GALNT13: variants seen among roughly 807,000 people sequenced by gnomAD.
GALNT13 encodes the protein UDP-GalNAc:polypeptide N-acetylgalactosaminyltransferase 13.
Under a neutral mutation model 64.2 loss-of-function variants are expected in GALNT13, and 28 were observed. The ratio of observed to expected loss-of-function variants is 0.44; its 90% confidence interval spans 0.32 to 0.60. The LOEUF (loss-of-function observed/expected upper bound fraction) is 0.60. Among genes scored for constraint, GALNT13 ranks in the 20% least tolerant of loss-of-function variants. GALNT13 has a pLI of 0.05. For synonymous variants in GALNT13, 214 were observed against 224.6 expected, an observed-to-expected ratio of 0.95 and a Z score of 0.42; for missense variants, 577 against 669.8, an observed-to-expected ratio of 0.86 and a Z score of 1.53.
At chr2:153,084,092 CT>C in the GALNT13 span, among the ~76,000 whole-genome samples, 1 of 152,178 alleles carries the variant, frequency 6.6e-6, no homozygotes, top group African/African-American at 2.4e-5. Context: ...TTCCATTGGT[CT>C]ACAAGCCTGT....
At chr2:153,341,575 G>A in the GALNT13 span, among the ~76,000 whole-genome samples, 14 of 152,292 alleles carry the variant, frequency 9.2e-5, no homozygotes, top group East Asian at 9.7e-4. Context: ...TGCATAAGCC[G>A]TTCTCAGGGA....
chr2:153,859,729 T>A, the GALNT13 span, among the ~76,000 whole-genome samples: 1 of 152,186 alleles, frequency 6.6e-6, no homozygotes, highest in African/African-American at 2.4e-5. Flanking sequence ...TTTCTAGATG[T>A]AACTGGAATA....
intron 2 of GALNT13, among the ~76,000 whole-genome samples, chr2:153,942,690 A>ATT (rs942915924): frequency 1.0e-4 from 14 of 135,608 alleles, no homozygotes; most frequent in South Asian, 2.6e-4. Context: ...ATATCTCTCC[A>ATT]TTATATATAT....
At chr2:153,174,985 A>G in the GALNT13 span, among the ~76,000 whole-genome samples, 2 of 152,130 alleles carry the variant, frequency 1.3e-5, no homozygotes, top group African/African-American at 4.8e-5. Flanking sequence ...AGATTACCAA[A>G]TCTAGGATTA....
chr2:153,798,728 T>A, the GALNT13 span, among the ~76,000 whole-genome samples: 1 of 152,184 alleles, frequency 6.6e-6, no homozygotes, highest in Non-Finnish European at 1.5e-5. Flanking sequence ...AGTTGTTATA[T>A]AACAGATGCA....
chr2:153,791,899 C>G, the GALNT13 span, among the ~76,000 whole-genome samples: 1 of 151,876 alleles, frequency 6.6e-6, no homozygotes, highest in African/African-American at 2.4e-5. Context: ...TAAAGTGATA[C>G]TGGAGCATAC....
rs779124626 is a variant in GALNT13 at position 154,245,971 on chromosome 2, A to G, written c.846A>G (p.Thr282=). 3.7e-5 allele frequency: 60 copies of G among 1,611,918 alleles called. No homozygotes were observed. The Middle Eastern group carries it at 1.3e-3, about 36-fold the overall frequency. Residue 282 remains threonine (T), a synonymous_variant, in exon 7 of 13, where the codon ACA becomes ACG. Transcript: ENST00000392825. ...TGGACAGGAGGAAAGGAGACAGAAC[A>G]TTACCTGTCAGGTATGTAGATCATA... ...REMDRRKGDR[T]LPVRTPTMAG... is the part of the protein sequence containing the mutation.
At chr2:153,663,071 G>A in the GALNT13 span, among the ~76,000 whole-genome samples, 1 of 152,152 alleles carries the variant, frequency 6.6e-6, no homozygotes, top group African/African-American at 2.4e-5. Context: ...TAACAAGGAT[G>A]GGAAGAAGAA....
intron 9 of GALNT13, among the ~76,000 whole-genome samples, chr2:154,340,895 TATGA>T (rs942985891): frequency 2.1e-4 from 12 of 58,224 alleles, no homozygotes; most frequent in African/African-American, 5.0e-4. Flanking sequence ...TCTTTGTGTG[TATGA>T]GTGTGTGTGT....
intron 3 of GALNT13, among the ~76,000 whole-genome samples, chr2:154,018,301 G>A (rs779497686): frequency 3.7e-4 from 57 of 152,210 alleles, no homozygotes; most frequent in Non-Finnish European, 6.3e-4. Flanking sequence ...CATAGGAGAA[G>A]GAGCCACGTT....
At chr2:153,451,116 AGT>A in the GALNT13 span, among the ~76,000 whole-genome samples, 6 of 152,178 alleles carry the variant, frequency 3.9e-5, no homozygotes, top group African/African-American at 1.4e-4. Flanking sequence ...ATTATAATTA[AGT>A]ATTAATATAC....
the GALNT13 span, among the ~76,000 whole-genome samples, chr2:153,728,751 TAAA>T: frequency 6.6e-6 from 1 of 151,842 alleles, no homozygotes; most frequent in African/African-American, 2.4e-5. Flanking sequence ...GTCAGACTAA[TAAA>T]GAAGAAAAGA....
the GALNT13 span, among the ~76,000 whole-genome samples, chr2:153,305,381 C>A: frequency 6.6e-6 from 1 of 152,112 alleles, no homozygotes; most frequent in Admixed American, 6.5e-5. Flanking sequence ...TTGTATTCTG[C>A]TGCCTTTTAC....
the GALNT13 span, among the ~76,000 whole-genome samples, chr2:153,749,242 A>G: frequency 6.6e-5 from 10 of 152,136 alleles, no homozygotes; most frequent in African/African-American, 2.4e-4. Flanking sequence ...ACTCTGTAGC[A>G]TAATCTGACT....
chr2:153,654,618 C>G, the GALNT13 span, among the ~76,000 whole-genome samples: 1 of 151,778 alleles, frequency 6.6e-6, no homozygotes, highest in African/African-American at 2.4e-5. Flanking sequence ...ATCTGAGGAT[C>G]AAAAATATTT....
At chr2:154,175,477 A>G (rs1685594485) in intron 4 of GALNT13, among the ~76,000 whole-genome samples, 1 of 152,182 alleles carries the variant, frequency 6.6e-6, no homozygotes, top group East Asian at 1.9e-4. Context: ...GTCAGGTGGC[A>G]GAACTGAAAA....
At chr2:153,093,222 T>C in the GALNT13 span, among the ~76,000 whole-genome samples, 1 of 145,956 alleles carries the variant, frequency 6.9e-6, no homozygotes, top group East Asian at 2.0e-4. Flanking sequence ...GAAGGATCTT[T>C]CTTTTTTTCT....
chr2:153,649,333 C>T, the GALNT13 span, among the ~76,000 whole-genome samples: 9 of 151,966 alleles, frequency 5.9e-5, no homozygotes, highest in South Asian at 8.4e-4. Context: ...TTTTTTATTG[C>T]GTCTGTTTGA....
chr2:153,267,544 T>A, the GALNT13 span, among the ~76,000 whole-genome samples: 4 of 152,174 alleles, frequency 2.6e-5, no homozygotes, highest in Admixed American at 6.5e-5. Context: ...TCTTGGCCCC[T>A]TTTAGCCATG....
Sources: allele counts gnomAD v4.1 joint callset (sites outside exome capture counted in the v4.1 genomes callset), GRCh38; gene constraint gnomAD v4.1.1; transcripts MANE v1.5; gene names NCBI Gene and HGNC (gene_info 2026-07-23, HGNC 2026-07-21).